Variants in EPHA5 observed in about 807,000 individuals in gnomAD.
EPHA5 encodes the protein EPH receptor A5.
A neutral mutation model predicts 105.0 loss-of-function variants in EPHA5; 60 were observed. That is an observed-to-expected ratio of 0.57 (90% CI 0.46 to 0.71). The LOEUF (loss-of-function observed/expected upper bound fraction) is 0.71, where lower values mean the gene tolerates loss of function less well. Among genes scored for constraint, EPHA5 ranks in the 30% least tolerant of loss-of-function variants. The pLI is 0.00. For missense variants in EPHA5, 1,218 were observed against 1,274.7 expected (o/e 0.96, Z 0.68); for synonymous variants, 513 against 449.1 (o/e 1.14, Z -1.80).
intron 5 of EPHA5, among the ~76,000 whole-genome samples, chr4:65,465,543 AAGGAAAGG>A (rs1560567723): frequency 6.1e-4 from 34 of 55,836 alleles, no homozygotes; most frequent in Admixed American, 2.1e-3. Flanking sequence ...AAAGGAAAGG[AAGGAAAGG>A]AAGGAAAGGA....
At position 65,405,107 on chromosome 4, in the gene EPHA5, G is replaced by A. The variant is rs186692202; in HGVS notation, c.1688-628C>T. ...TTAGAAGTATAGAAAACTATCTTAC[G>A]ATTGGATACATTTACATCACCTACT... On this transcript the variant is annotated intron_variant, in intron 7 of 16. Transcript: ENST00000613740. Among the ~76,000 whole-genome samples, 200 of 152,144 alleles carry A rather than the reference G, an allele frequency of 1.3e-3. 1 individual carries two copies. The highest frequency in any genetic ancestry group is 0.01 in the Middle Eastern group (3 of 294).
At chr4:65,354,845 A>G (rs935486723) in intron 11 of EPHA5, among the ~76,000 whole-genome samples, 2 of 151,808 alleles carry the variant, frequency 1.3e-5, no homozygotes, top group African/African-American at 4.8e-5. Flanking sequence ...ATATAGGACA[A>G]GTAAGTCTAA....
intron 8 of EPHA5, among the ~76,000 whole-genome samples, chr4:65,369,144 G>C (rs1718211151): frequency 6.6e-6 from 1 of 152,080 alleles, no homozygotes; most frequent in African/African-American, 2.4e-5. Flanking sequence ...CTGACTCAGA[G>C]TTGGCACTAA....
intron 3 of EPHA5, among the ~76,000 whole-genome samples, chr4:65,575,506 T>A (rs974866690): frequency 4.6e-5 from 7 of 152,208 alleles, no homozygotes; most frequent in African/African-American, 1.7e-4. Context: ...ATGGAACCAT[T>A]AGAGTGGCTT....
rs1015579200 is a variant in EPHA5 at position 65,418,831 on chromosome 4, C to A, written c.1527+1610G>T. Among the ~76,000 whole-genome samples the A allele has an allele frequency of 1.3e-3, 160 of 119,954 alleles. 1 individual carries two copies. The highest frequency in any genetic ancestry group is 4.8e-3 in the African/African-American group (151 of 31,144). The allele number at this position is 119,954 out of a possible 152,430, so 78.7% of individuals were successfully genotyped here. A position where few individuals can be genotyped will look rare whatever the true frequency, so the allele number is the denominator to read the frequency against. On this transcript the variant is annotated intron_variant, in intron 6 of 16. Coordinates refer to ENST00000613740, the MANE Select transcript of EPHA5 (RefSeq NM_001281766.3). ...TATTTTTGAATTTTGTATACTGTGACAAATTAACATTCAATACACTTACCT... is the reference window on the plus strand; with the variant it reads ...TATTTTTGAATTTTGTATACTGTGAAAAATTAACATTCAATACACTTACCT...
intron 15 of EPHA5, among the ~76,000 whole-genome samples, chr4:65,333,539 CTG>C (rs56925203): frequency 0.014 from 1,570 of 111,814 alleles, 26 homozygotes; most frequent in African/African-American, 0.057. Flanking sequence ...GAGTGTGTGT[CTG>C]TGTGTGTGTG....
intron 2 of EPHA5, among the ~76,000 whole-genome samples, chr4:65,606,374 A>T (rs1314942103): frequency 6.6e-6 from 1 of 152,190 alleles, no homozygotes; most frequent in African/African-American, 2.4e-5. Flanking sequence ...AATTTGGAAT[A>T]ATTCAAACAT....
chr4:65,560,580 A>C (rs2149356389), intron 3 of EPHA5, among the ~76,000 whole-genome samples: 1 of 151,980 alleles, frequency 6.6e-6, no homozygotes, highest in African/African-American at 2.4e-5. Flanking sequence ...TGCCCATCCC[A>C]CTCTAGGAGA....
At chr4:65,630,608 T>C (rs1253966604) in intron 2 of EPHA5, among the ~76,000 whole-genome samples, 1 of 152,218 alleles carries the variant, frequency 6.6e-6, no homozygotes, top group Non-Finnish European at 1.5e-5. Context: ...CTTTCATTCC[T>C]GCTCTAAAGC....
chr4:65,476,143 T>G (rs184351858), intron 5 of EPHA5, among the ~76,000 whole-genome samples: 77 of 151,606 alleles, frequency 5.1e-4, no homozygotes, highest in African/African-American at 1.8e-3. Flanking sequence ...TGTGTGTGTG[T>G]GTGTGTGTGT....
At chr4:65,641,716 CT>C (rs1387562874) in intron 2 of EPHA5, among the ~76,000 whole-genome samples, 1 of 151,982 alleles carries the variant, frequency 6.6e-6, no homozygotes, top group Non-Finnish European at 1.5e-5. Flanking sequence ...ACTTCCCTGT[CT>C]TCAATATTAA....
rs1393822869 is a variant in EPHA5, at chr4:65,495,410, A to T, written c.1044T>A (p.Asp348Glu). Residue 348 changes from aspartate (D) to glutamate (E), a missense_variant, in exon 4 of 17, where the codon GAT (aspartate) becomes GAA (glutamate). This residue lies in a region of EPHA5 where 971 missense variants were observed against 1,013.5 expected (regional missense o/e 0.96). Coordinates refer to ENST00000613740, the MANE Select transcript of EPHA5 (RefSeq NM_001281766.3). ...CEKDYFRRES[D>E]PPTMACTRPP... ...TACTTGTGCATGCCATTGTGGGTGG[A>T]TCAGACTCTCTCCTGAAATAATCCT... 2 of 1,613,588 alleles carry T rather than the reference A, an allele frequency of 1.2e-6. No homozygotes were observed. The highest frequency in any genetic ancestry group is 1.7e-5 in the Admixed American group (1 of 59,954).
At chr4:65,546,734 T>A (rs1042523126) in intron 3 of EPHA5, among the ~76,000 whole-genome samples, 1 of 152,078 alleles carries the variant, frequency 6.6e-6, no homozygotes, top group African/African-American at 2.4e-5. Context: ...ATTTACAATG[T>A]CTGCGAACTT....
chr4:65,551,631 G>T (rs914299575), intron 3 of EPHA5, among the ~76,000 whole-genome samples: 1 of 151,976 alleles, frequency 6.6e-6, no homozygotes, highest in African/African-American at 2.4e-5. Context: ...AGCATGTGTT[G>T]TGGCATAGTT....
At chr4:65,514,868 C>T (rs1416765251) in intron 3 of EPHA5, among the ~76,000 whole-genome samples, 1 of 152,098 alleles carries the variant, frequency 6.6e-6, no homozygotes, top group Non-Finnish European at 1.5e-5. Context: ...ACAAGCCTTC[C>T]ACAACACCTA....
chr4:65,577,762 T>C (rs1364887740), intron 3 of EPHA5, among the ~76,000 whole-genome samples: 1 of 152,090 alleles, frequency 6.6e-6, no homozygotes, highest in Non-Finnish European at 1.5e-5. Context: ...TCAGTAGATA[T>C]CCAGCCACAA....
chr4:65,433,401 C>A (rs143816953), intron 5 of EPHA5, among the ~76,000 whole-genome samples: 1 of 152,160 alleles, frequency 6.6e-6, no homozygotes, highest in Non-Finnish European at 1.5e-5. Flanking sequence ...ATTGGATATT[C>A]GCTTAGAATG....
intron 6 of EPHA5, among the ~76,000 whole-genome samples, chr4:65,420,104 T>C (rs1723796618): frequency 6.6e-6 from 1 of 152,162 alleles, no homozygotes; most frequent in African/African-American, 2.4e-5. Context: ...CACACATTTC[T>C]CTGTTAGCAC....
intron 3 of EPHA5, among the ~76,000 whole-genome samples, chr4:65,591,420 T>C (rs925055472): frequency 6.6e-6 from 1 of 151,916 alleles, no homozygotes; most frequent in Non-Finnish European, 1.5e-5. Context: ...CTTTATCATA[T>C]CATTTAGGAG....
Sources: gnomAD v4.1 joint callset for allele counts (sites outside exome capture counted in the v4.1 genomes callset) on GRCh38, gnomAD v4.1.1 for gene constraint, gnomAD v4.1.1 regional missense constraint, MANE v1.5 for transcripts, NCBI Gene and HGNC (gene_info 2026-07-23, HGNC 2026-07-21) for gene names.